The following SYBU variants were observed in gnomAD, a reference collection of about 807,000 sequenced individuals.
The protein encoded by SYBU is syntabulin, also known as GOLSYN A protein.
SYBU carries 21 observed loss-of-function variants against 35.9 expected under a neutral mutation model. The observed-to-expected ratio is 0.58, with a 90% CI of 0.41 to 0.84. SYBU has a LOEUF of 0.84. SYBU is among the 40% of genes least tolerant of loss of function. SYBU has a pLI of 0.00. For missense variants in SYBU, 768 were observed against 848.2 expected (o/e 0.91, Z 1.17); for synonymous variants, 319 against 324.3 (o/e 0.98, Z 0.18).
intron 2 of SYBU, among the ~76,000 whole-genome samples, chr8:109,621,558 A>T (rs1427077355): frequency 6.6e-6 from 1 of 152,226 alleles, no homozygotes; most frequent in Non-Finnish European, 1.5e-5. Flanking sequence ...AATACTAGGA[A>T]TATAAGACAT....
chr8:109,691,071 G>A lies in SYBU; in HGVS notation c.-58+262C>T, dbSNP rs992722130. Among the ~76,000 whole-genome samples the A allele has an allele frequency of 2.0e-5, 3 of 152,126 alleles. No homozygotes were observed. The highest frequency in any genetic ancestry group is 7.2e-5 in the African/African-American group (3 of 41,440). On this transcript the variant is annotated intron_variant, in intron 1 of 7. Coordinates refer to the SYBU transcript ENST00000422135. This position sits in a 1 kb window ranked among gnomAD's most constrained non-coding sequence, Gnocchi z 4.7. ...CTCGTTGCAACAAGGAGTCCAGCCCGACCGTCTCAACAACCAATCAAACCA... is the reference window on the plus strand; with the variant it reads ...CTCGTTGCAACAAGGAGTCCAGCCCAACCGTCTCAACAACCAATCAAACCA...
chr8:109,671,651 T>C (rs547010845), intron 1 of SYBU, among the ~76,000 whole-genome samples: 10 of 152,332 alleles, frequency 6.6e-5, no homozygotes, highest in Non-Finnish European at 1.3e-4. Context: ...TTTTCTGAAA[T>C]ATGAAAATAA....
At chr8:109,673,648 G>A (rs1326069522) in intron 1 of SYBU, among the ~76,000 whole-genome samples, 2 of 152,076 alleles carry the variant, frequency 1.3e-5, no homozygotes, top group East Asian at 3.9e-4. Flanking sequence ...ACAACTCCTC[G>A]CCAGCAAGGG....
At chr8:109,576,042 T>TTAA in intron 6 of SYBU, 29 bp from the exon 7 acceptor site, 1 of 844,638 alleles carries the variant, frequency 1.2e-6, no homozygotes. Context: ...CATGGTTAAT[T>TTAA]AAAAAAAAAA....
intron 2 of SYBU, among the ~76,000 whole-genome samples, chr8:109,628,877 T>C (rs1384760103): frequency 1.3e-5 from 2 of 152,004 alleles, no homozygotes; most frequent in East Asian, 3.9e-4. Context: ...TGATATTATG[T>C]AGACTAGGTG....
intron 1 of SYBU, among the ~76,000 whole-genome samples, chr8:109,673,671 C>T (rs193142025): frequency 2.0e-5 from 3 of 152,244 alleles, no homozygotes; most frequent in Admixed American, 2.0e-4. Flanking sequence ...CAAAACCGAA[C>T]AGGGAATATA....
At chr8:109,597,842 C>T (rs1343935281) in intron 3 of SYBU, among the ~76,000 whole-genome samples, 2 of 152,232 alleles carry the variant, frequency 1.3e-5, no homozygotes, top group African/African-American at 2.4e-5. Flanking sequence ...TGACTTGTCA[C>T]TTCAAAATGT....
chr8:109,618,863 T>C lies in SYBU; in HGVS notation c.406A>G (p.Lys136Glu), dbSNP rs751586363. ...IQSSRYKKES[K>E]SGLVKPGSEA... ...TGACCTGGTTTCACAAGGCCTGACT[T>C]TGATTCCTTCTTATATCGAGAGGAC... Residue 136 changes from lysine to glutamate, a missense_variant, in exon 3 of 7, where the codon AAG becomes GAG. Transcript: ENST00000276646. 1 of 1,614,196 alleles carries C rather than the reference T, an allele frequency of 6.2e-7. No homozygotes were observed. The highest frequency in any genetic ancestry group is 8.5e-7 in the Non-Finnish European group (1 of 1,180,000).
chr8:109,606,065 T>C (rs898134359), intron 3 of SYBU, among the ~76,000 whole-genome samples: 1 of 152,116 alleles, frequency 6.6e-6, no homozygotes, highest in African/African-American at 2.4e-5. Flanking sequence ...AAGTCACACA[T>C]TTGAAAAGGA....
In SYBU at chr8:109,575,240, A is replaced by G. The variant is rs1371448384; in HGVS notation, c.1658T>C (p.Leu553Pro). ...GTAGGGGGTCTCCACGGGAGACAAA[A>G]GGATGGCTGAGTTTGGATTTCTTGG... Reference protein sequence around the residue: ...LTPRNPNSAILLSPVETPYAN... With the variant: ...LTPRNPNSAIPLSPVETPYAN... The change falls in exon 7 of 7, where the codon CTT (leucine) becomes CCT (proline). Residue 553 changes from leucine to proline, a missense_variant. Transcript: ENST00000276646. 10 of 1,614,102 alleles carry G rather than the reference A, an allele frequency of 6.2e-6. No homozygotes were observed. Among genetic ancestry groups the G allele is most frequent in the Non-Finnish European group, 8.5e-6 (10 of 1,180,044 alleles).
intron 4 of SYBU, among the ~76,000 whole-genome samples, chr8:109,582,727 T>C (rs917800050): frequency 2.6e-5 from 4 of 152,166 alleles, no homozygotes; most frequent in African/African-American, 9.7e-5. Context: ...AATTGATATG[T>C]TGAAGCCCTA....
At chr8:109,656,048 G>A (rs534346699) in intron 1 of SYBU, among the ~76,000 whole-genome samples, 59 of 152,198 alleles carry the variant, frequency 3.9e-4, no homozygotes, top group African/African-American at 1.1e-3. Context: ...CCCAGGAAGC[G>A]GAGGTTGCAG....
chr8:109,667,679 G>T (rs190889899), intron 1 of SYBU, among the ~76,000 whole-genome samples: 1 of 152,296 alleles, frequency 6.6e-6, no homozygotes, highest in East Asian at 1.9e-4. Context: ...GTTGCCCAGA[G>T]TGCAGTGGCA....
intron 1 of SYBU, among the ~76,000 whole-genome samples, chr8:109,671,912 T>G (rs1816994762): frequency 6.6e-6 from 1 of 152,172 alleles, no homozygotes; most frequent in African/African-American, 2.4e-5. Context: ...TTTTTTGTTT[T>G]GTTTTTGAGA....
At chr8:109,619,959 T>C (rs1812243170) in intron 2 of SYBU, among the ~76,000 whole-genome samples, 1 of 152,208 alleles carries the variant, frequency 6.6e-6, no homozygotes, top group Admixed American at 6.5e-5. Context: ...CCTTTAACTT[T>C]CAAATAACAG....
chr8:109,575,152 G>A lies in SYBU; in HGVS notation c.1746C>T (p.Cys582=), dbSNP rs766353429. Residue 582 remains cysteine (C), a synonymous_variant, in exon 7 of 7, where the codon TGC becomes TGT. Transcript: ENST00000276646. ...RLMRELDFAA[C]VEERLDGVIP... ...TGACACCATCCAACCTCTCTTCCAC[G>A]CAGGCTGCAAAATCCAGCTCTCTCA... The A allele has an allele frequency of 1.2e-6, 2 of 1,614,186 alleles. No homozygotes were observed. Among genetic ancestry groups the A allele is most frequent in the South Asian group, 1.1e-5 (1 of 91,082 alleles).
intron 6 of SYBU, among the ~76,000 whole-genome samples, chr8:109,576,381 C>A (rs1822319445): frequency 6.6e-6 from 1 of 152,176 alleles, no homozygotes; most frequent in African/African-American, 2.4e-5. Flanking sequence ...CACTGTGTTA[C>A]AAGTCTTATC....
In SYBU at chr8:109,590,439, G is replaced by A. The variant is rs1424613577; in HGVS notation, c.428-4277C>T. Among the ~76,000 whole-genome samples the A allele has an allele frequency of 2.0e-5, 3 of 151,442 alleles. No homozygotes were observed. In the South Asian group the frequency reaches 6.3e-4, roughly 32 times the overall value. On this transcript the variant is annotated intron_variant, in intron 3 of 6. Coordinates refer to ENST00000276646, the MANE Select transcript of SYBU (RefSeq NM_001099754.2). Reference sequence around the variant, plus strand: ...TTTTTTTTGCATTTTGAGAATAAAAGTATTCTTGAAAAATTGTAAATGTAA... The same window carrying A: ...TTTTTTTTGCATTTTGAGAATAAAAATATTCTTGAAAAATTGTAAATGTAA...
At chr8:109,580,661 T>C (rs1248880112) in intron 4 of SYBU, 4 of 152,786 alleles carry the variant, frequency 2.6e-5, no homozygotes, top group African/African-American at 9.6e-5. Context: ...CTCCCTCCAG[T>C]AGAAGGTTGG....
Sources: gnomAD v4.1 joint callset for allele counts (sites outside exome capture counted in the v4.1 genomes callset) on GRCh38, gnomAD v4.1.1 for gene constraint, Gnocchi (gnomAD v3.1) non-coding constraint, MANE v1.5 for transcripts, NCBI Gene and HGNC (gene_info 2026-07-23, HGNC 2026-07-21) for gene names.